Variants in LAMA2 observed in about 807,000 individuals in gnomAD.
The protein encoded by LAMA2 is laminin subunit alpha-2.
In LAMA2, 269 loss-of-function variants were observed where a neutral mutation model predicts 364.8. The observed-to-expected ratio is 0.74, with a 90% CI of 0.67 to 0.82. The LOEUF (loss-of-function observed/expected upper bound fraction) is 0.82. Among genes scored for constraint, LAMA2 ranks in the 40% least tolerant of loss-of-function variants. LAMA2 has a pLI of 0.00. For missense variants in LAMA2, 3,807 were observed against 3,873.2 expected (o/e 0.98, Z 0.45); for synonymous variants, 1,379 against 1,370.6 (o/e 1.01, Z -0.14).
At chr6:129,164,853 T>G (rs1224857932) in intron 8 of LAMA2, among the ~76,000 whole-genome samples, 3 of 152,324 alleles carry the variant, frequency 2.0e-5, no homozygotes, top group Middle Eastern at 3.4e-3. Flanking sequence ...TTTATCTCTA[T>G]GATGTTCATA....
intron 3 of LAMA2, among the ~76,000 whole-genome samples, chr6:129,096,120 C>A (rs562251983): frequency 1.3e-3 from 203 of 152,234 alleles, no homozygotes; most frequent in African/African-American, 4.7e-3. Context: ...TGGTATGTTT[C>A]TTGTTGAATT....
At chr6:129,135,215 G>T (rs921825968) in intron 4 of LAMA2, among the ~76,000 whole-genome samples, 1 of 152,106 alleles carries the variant, frequency 6.6e-6, no homozygotes, top group African/African-American at 2.4e-5. Context: ...TAAAATACTG[G>T]GTCTGTCATA....
intron 12 of LAMA2, among the ~76,000 whole-genome samples, chr6:129,227,195 G>T (rs968703655): frequency 1.2e-4 from 18 of 152,068 alleles, no homozygotes; most frequent in Non-Finnish European, 4.4e-5. Flanking sequence ...GTCATTTAAG[G>T]ACTTCTCTAC....
chr6:129,291,619 C>A lies in LAMA2; in HGVS notation c.2755C>A (p.Arg919Ser), dbSNP rs138018456. 6.2e-7 allele frequency: 1 copy of A among 1,612,970 alleles called. No homozygotes were observed. Residue 919 changes from arginine (R) to serine (S), a missense_variant, in exon 20 of 65, where the codon CGC becomes AGC. Coordinates refer to ENST00000421865, the MANE Select transcript of LAMA2 (RefSeq NM_000426.4). ...AVDAKNCQPC[R>S]CNAGGSFSEV... ...GGTCTCTCTTCTCTTTGCAGCCTGT[C>A]GCTGTAATGCCGGTGGCTCTTTCTC...
intron 45 of LAMA2, 100 bp from the exon 46 acceptor site, chr6:129,452,888 T>C (rs1782753521): frequency 3.8e-6 from 4 of 1,050,498 alleles, no homozygotes; most frequent in Non-Finnish European, 4.4e-6. Flanking sequence ...AGAAAATAAC[T>C]TCAAAGAAGA....
At chr6:129,173,780 C>T (rs895235024) in intron 9 of LAMA2, among the ~76,000 whole-genome samples, 2 of 151,922 alleles carry the variant, frequency 1.3e-5, no homozygotes, top group East Asian at 3.9e-4. Context: ...CATCAGATTA[C>T]ATAACCAGAT....
chr6:129,306,934 C>T (rs1299651520), intron 22 of LAMA2, among the ~76,000 whole-genome samples: 1 of 152,032 alleles, frequency 6.6e-6, no homozygotes, highest in Non-Finnish European at 1.5e-5. Flanking sequence ...TATTGCAGGA[C>T]TATTCCTACT....
intron 1 of LAMA2, among the ~76,000 whole-genome samples, chr6:128,989,464 G>A (rs143547348): frequency 1.8e-3 from 279 of 152,250 alleles, no homozygotes; most frequent in African/African-American, 6.5e-3. Context: ...TCAAATTCTT[G>A]ATGTACATTT....
chr6:129,087,630 C>G (rs979778174), intron 3 of LAMA2, among the ~76,000 whole-genome samples: 2 of 152,044 alleles, frequency 1.3e-5, no homozygotes, highest in Admixed American at 1.3e-4. Flanking sequence ...ACAACATAAT[C>G]AAAATCTGTG....
In LAMA2 at chr6:129,443,220, G is replaced by A. The variant is rs11154478; in HGVS notation, c.6274+152G>A. 0.057 allele frequency: 30,953 copies of A among 544,186 alleles called. 1,204 individuals are homozygous for A. The highest frequency in any genetic ancestry group is 0.071 in the Non-Finnish European group (21,514 of 303,606). 33.7% of individuals were successfully genotyped at this position (544,186 alleles called of 1,614,324 possible). On this transcript the variant is annotated intron_variant, in intron 44 of 64. Coordinates refer to ENST00000421865, the MANE Select transcript of LAMA2 (RefSeq NM_000426.4). ...CTGTTACAGTATTAATGGTAGATGC[G>A]TAAAAGGAATCTTCCTTTATAAAAA...
intron 34 of LAMA2, among the ~76,000 whole-genome samples, chr6:129,380,618 A>T (rs1778627641): frequency 6.6e-6 from 1 of 152,180 alleles, no homozygotes; most frequent in South Asian, 2.1e-4. Context: ...CTGAAAGCTG[A>T]TGGGTAACAA....
intron 10 of LAMA2, among the ~76,000 whole-genome samples, chr6:129,179,198 T>C (rs1780788340): frequency 6.6e-6 from 1 of 152,152 alleles, no homozygotes; most frequent in South Asian, 2.1e-4. Flanking sequence ...TAGTGCATCT[T>C]CTCTAGTATT....
In LAMA2 at chr6:129,291,725, G is replaced by C. The variant is rs757562721; in HGVS notation, c.2856+5G>C. 12 of 1,589,648 alleles carry C rather than the reference G, an allele frequency of 7.5e-6. No individual in the cohort carries two copies. The highest frequency in any genetic ancestry group is 1.7e-4 in the Middle Eastern group (1 of 6,004). On this transcript the variant is annotated splice_donor_5th_base_variant and intron_variant, in intron 20 of 64. Transcript: ENST00000421865. ...CAGAGATGTGACAAATGCAAGGTAA[G>C]GAGTAGAGGCTGACCCATAAATTAC... is the stretch of plus-strand genomic sequence containing the variant.
At chr6:129,504,955 G>A (rs1562631130) in intron 60 of LAMA2, among the ~76,000 whole-genome samples, 4 of 152,148 alleles carry the variant, frequency 2.6e-5, no homozygotes, top group Non-Finnish European at 4.4e-5. Context: ...AGGAGACTTC[G>A]ACCTAAAACT....
chr6:129,438,604 G>C, intron 41 of LAMA2, 42 bp from the exon 42 acceptor site: 1 of 996,224 alleles, frequency 1.0e-6, no homozygotes, highest in Non-Finnish European at 1.6e-6. Flanking sequence ...GCTCAGGGAT[G>C]ATAAAACTTA....
chr6:129,313,975 C>T (rs562032571), intron 23 of LAMA2, among the ~76,000 whole-genome samples: 6 of 152,322 alleles, frequency 3.9e-5, no homozygotes, highest in African/African-American at 1.4e-4. Context: ...TTTTAACCTG[C>T]TGCCTATTTC....
At chr6:129,336,184 G>A (rs1312958334) in intron 29 of LAMA2, among the ~76,000 whole-genome samples, 4 of 152,108 alleles carry the variant, frequency 2.6e-5, no homozygotes, top group African/African-American at 4.8e-5. Context: ...CTTTGTCAGA[G>A]GCAATGGCTC....
chr6:128,981,186 A>G (rs771780718), intron 1 of LAMA2, among the ~76,000 whole-genome samples: 1 of 151,998 alleles, frequency 6.6e-6, no homozygotes, highest in Non-Finnish European at 1.5e-5. Flanking sequence ...CCTGTGCCCT[A>G]CTGCTTCTCT....
intron 14 of LAMA2, among the ~76,000 whole-genome samples, chr6:129,256,133 A>G (rs76514553): frequency 1.1e-3 from 175 of 152,356 alleles, no homozygotes; most frequent in African/African-American, 4.1e-3. Flanking sequence ...AGCACCTGAA[A>G]TAGTATCTAA....
Sources: gnomAD v4.1 joint callset for allele counts (sites outside exome capture counted in the v4.1 genomes callset) on GRCh38, gnomAD v4.1.1 for gene constraint, MANE v1.5 for transcripts, NCBI Gene and HGNC (gene_info 2026-07-23, HGNC 2026-07-21) for gene names.